CCDC85C: variants seen among roughly 807,000 people sequenced by gnomAD.
CCDC85C encodes the protein coiled-coil domain-containing protein 85C.
Under a neutral mutation model 38.3 loss-of-function variants are expected in CCDC85C, and 18 were observed. That is an observed-to-expected ratio of 0.47 (90% CI 0.33 to 0.70). The LOEUF (loss-of-function observed/expected upper bound fraction) is 0.70. CCDC85C is among the 30% of genes least tolerant of loss of function. The probability of loss-of-function intolerance (pLI) is 0.03; values close to 1 mark genes in which losing one functional copy is unlikely to be tolerated. For missense variants in CCDC85C, 566 were observed against 621.2 expected, an observed-to-expected ratio of 0.91 and a Z score of 0.94; for synonymous variants, 264 against 293.8, an observed-to-expected ratio of 0.90 and a Z score of 1.04.
intron 1 of CCDC85C, among the ~76,000 whole-genome samples, chr14:99,556,217 G>T (rs925068301): frequency 6.6e-5 from 10 of 152,238 alleles, no homozygotes; most frequent in Admixed American, 2.6e-4. Flanking sequence ...AGGAGTTCAA[G>T]ACCAGTCTGG....
At chr14:99,600,866 A>G (rs1469131247) in intron 1 of CCDC85C, among the ~76,000 whole-genome samples, 1 of 152,178 alleles carries the variant, frequency 6.6e-6, no homozygotes, top group Non-Finnish European at 1.5e-5. Flanking sequence ...CCAGAATAGA[A>G]AAGCCCAGTT....
At chr14:99,518,452 T>C (rs557494831) in intron 3 of CCDC85C, among the ~76,000 whole-genome samples, 2 of 152,072 alleles carry the variant, frequency 1.3e-5, no homozygotes, top group Non-Finnish European at 1.5e-5. Flanking sequence ...GTCTGGACAA[T>C]AGAAAGGGTC....
rs79410788 is a variant in CCDC85C at position 99,502,636 on chromosome 14, G to C, written c.*12610C>G. The C allele has an allele frequency of 1.5e-3, 2,020 of 1,342,610 alleles. 20 individuals are homozygous for C. In the Admixed American group the frequency reaches 0.021, roughly 14 times the overall value. The allele number at this position is 1,342,610 out of a possible 1,614,324, so 83.2% of individuals were successfully genotyped here. A position where few individuals can be genotyped will look rare whatever the true frequency, so the allele number is the denominator to read the frequency against. On this transcript the variant is annotated 3_prime_UTR_variant, in exon 6 of 6. Transcript: ENST00000380243. ...GATTCATGCTTAGGTCCTCGTAGGG[G>C]TATCATAACTGATTCTTTATCCAGG...
intron 1 of CCDC85C, among the ~76,000 whole-genome samples, chr14:99,601,519 G>C (rs2055198174): frequency 6.6e-6 from 1 of 152,174 alleles, no homozygotes; most frequent in African/African-American, 2.4e-5. Flanking sequence ...TGTCATTGAT[G>C]ACGCAGCTGA....
At chr14:99,560,483 C>T (rs1898096368) in intron 1 of CCDC85C, among the ~76,000 whole-genome samples, 1 of 152,240 alleles carries the variant, frequency 6.6e-6, no homozygotes, top group African/African-American at 2.4e-5. Flanking sequence ...CACACAGAGA[C>T]TCCAGGGCAC....
chr14:99,576,812 C>G lies in CCDC85C; in HGVS notation c.793+26355G>C, dbSNP rs1262019542. On this transcript the variant is annotated intron_variant, in intron 1 of 5. Coordinates refer to ENST00000380243, the MANE Select transcript of CCDC85C (RefSeq NM_001144995.2). This position sits in a 1 kb window ranked among gnomAD's most constrained non-coding sequence, Gnocchi z 4.8. ...GTGGAACGGACTATCAGTCACTCTA[C>G]AGGAAAGCAGAGGCTCAGAGAGGGT... Among the ~76,000 whole-genome samples, 2 of 152,192 alleles carry G rather than the reference C, an allele frequency of 1.3e-5. No homozygotes were observed. Among genetic ancestry groups the G allele is most frequent in the Non-Finnish European group, 2.9e-5 (2 of 68,028 alleles).
intron 1 of CCDC85C, among the ~76,000 whole-genome samples, chr14:99,540,597 T>C (rs1897693429): frequency 6.6e-6 from 1 of 152,068 alleles, no homozygotes; most frequent in African/African-American, 2.4e-5. Flanking sequence ...GAGGGCAAAA[T>C]GAGGGAGGTG....
At chr14:99,560,569 C>T (rs542892892) in intron 1 of CCDC85C, among the ~76,000 whole-genome samples, 11 of 152,336 alleles carry the variant, frequency 7.2e-5, no homozygotes, top group Admixed American at 2.0e-4. Flanking sequence ...GCCAGCATCA[C>T]GCCCGCCTCA....
At chr14:99,551,765 C>T (rs946605058) in intron 1 of CCDC85C, among the ~76,000 whole-genome samples, 2 of 151,974 alleles carry the variant, frequency 1.3e-5, no homozygotes, top group Non-Finnish European at 2.9e-5. Flanking sequence ...AAGCATGCAG[C>T]AGGCAGGTGA....
Position 99,508,514 on chromosome 14 carries a change from G to C in CCDC85C, c.*6732C>G, listed in dbSNP as rs1897032320. 6.6e-6 allele frequency: 1 copy of C among 152,614 alleles called. No individual in the cohort carries two copies. Among genetic ancestry groups the C allele is most frequent in the African/African-American group, 2.4e-5 (1 of 41,470 alleles). The allele number at this position is 152,614 out of a possible 1,614,324, so 9.5% of individuals were successfully genotyped here. A position where few individuals can be genotyped will look rare whatever the true frequency, so the allele number is the denominator to read the frequency against. On this transcript the variant is annotated 3_prime_UTR_variant, in exon 6 of 6. Coordinates refer to ENST00000380243, the MANE Select transcript of CCDC85C (RefSeq NM_001144995.2). ...CTGGGTGCCAGATACACTGCCAGGA[G>C]GCCATGGCTGAAGAGAGCAGGGCCT...
intron 1 of CCDC85C, among the ~76,000 whole-genome samples, chr14:99,564,187 T>A (rs1898171476): frequency 6.6e-6 from 1 of 152,252 alleles, no homozygotes. Context: ...CTTGTTTTGT[T>A]GTTTGTTCTG....
intron 1 of CCDC85C, among the ~76,000 whole-genome samples, chr14:99,591,769 C>G (rs1409036324): frequency 6.1e-5 from 9 of 146,588 alleles, no homozygotes; most frequent in Admixed American, 2.1e-4. Context: ...GAGTCTCACT[C>G]TGTCACCCAG....
At position 99,500,946 on chromosome 14, in the gene CCDC85C, G is replaced by T; in HGVS notation, c.*14300C>A. 2.1e-6 allele frequency: 2 copies of T among 934,774 alleles called. No individual in the cohort carries two copies. The highest frequency in any genetic ancestry group is 3.3e-6 in the Non-Finnish European group (2 of 607,534). 57.9% of individuals were successfully genotyped at this position (934,774 alleles called of 1,614,324 possible). ...TATAATTTGATGACACTCAAATTACGCTTCTCAAAAGCGGAAAACAAAGTT... is the reference window on the plus strand; with the variant it reads ...TATAATTTGATGACACTCAAATTACTCTTCTCAAAAGCGGAAAACAAAGTT... On this transcript the variant is annotated 3_prime_UTR_variant, in exon 6 of 6. Transcript: ENST00000380243.
In CCDC85C at chr14:99,545,780, T is replaced by C. The variant is rs1897794055; in HGVS notation, c.794-9692A>G. On this transcript the variant is annotated intron_variant, in intron 1 of 5. Transcript: ENST00000380243. This position sits in a 1 kb window ranked among gnomAD's most constrained non-coding sequence, Gnocchi z 4.7. ...TGAAAGGTACGCCCTCCTGGCTCCT[T>C]GGAGAGCTTTTAAAATCTGATCTCT... 6.6e-6 allele frequency among the ~76,000 whole-genome samples: 1 copy of C among 152,070 alleles called. No homozygotes were observed. Among genetic ancestry groups the C allele is most frequent in the Admixed American group, 6.5e-5 (1 of 15,278 alleles).
chr14:99,603,668 C>G lies in CCDC85C; in HGVS notation c.292G>C (p.Gly98Arg). Residue 98 changes from glycine to arginine, a missense_variant, in exon 1 of 6, where the codon GGG becomes CGG. Gly to Arg is a moderately radical substitution (Grantham distance 125, BLOSUM62 -2). This residue lies in a region of CCDC85C where 269 missense variants were observed against 308.2 expected (regional missense o/e 0.87). Transcript: ENST00000380243. The surrounding 1 kb of genome is among the most constrained non-coding windows in gnomAD (Gnocchi z 7.5). ...CCFLDDDRQK[G>R]RKLAREWQRF... ...TGCCACTCGCGCGCCAGCTTGCGCC[C>G]CTTCTGCCGGTCGTCGTCGAGGAAG... The G allele has an allele frequency of 1.3e-6, 2 of 1,492,888 alleles. No individual in the cohort carries two copies. Among genetic ancestry groups the G allele is most frequent in the Non-Finnish European group, 1.8e-6 (2 of 1,123,294 alleles). 92.5% of individuals were successfully genotyped at this position (1,492,888 alleles called of 1,614,324 possible).
At chr14:99,547,641 G>A (rs1161327844) in intron 1 of CCDC85C, among the ~76,000 whole-genome samples, 1 of 152,042 alleles carries the variant, frequency 6.6e-6, no homozygotes, top group Admixed American at 6.5e-5. Flanking sequence ...GGGTATGGTG[G>A]CGGGCACCTG....
chr14:99,500,717 G>T lies in CCDC85C; in HGVS notation c.*14529C>A. On this transcript the variant is annotated 3_prime_UTR_variant, in exon 6 of 6. Coordinates refer to ENST00000380243, the MANE Select transcript of CCDC85C (RefSeq NM_001144995.2). ...AAAGCTCACTTTTGTAATGCTGCTT[G>T]AGACCTGCAATTGTAATTACTGTCC... The T allele has an allele frequency of 5.0e-6, 6 of 1,190,496 alleles. No individual in the cohort carries two copies. Among genetic ancestry groups the T allele is most frequent in the Non-Finnish European group, 7.3e-6 (6 of 817,334 alleles). 73.7% of individuals were successfully genotyped at this position (1,190,496 alleles called of 1,614,324 possible). A position where few individuals can be genotyped will look rare whatever the true frequency, so the allele number is the denominator to read the frequency against.
At chr14:99,582,458 A>G (rs544250357) in intron 1 of CCDC85C, among the ~76,000 whole-genome samples, 6 of 152,178 alleles carry the variant, frequency 3.9e-5, no homozygotes, top group Non-Finnish European at 7.3e-5. Context: ...TGGTCATACC[A>G]CCGTGAACGC....
chr14:99,517,758 GTCA>G (rs1897249527), intron 3 of CCDC85C, among the ~76,000 whole-genome samples: 1 of 152,316 alleles, frequency 6.6e-6, no homozygotes, highest in East Asian at 1.9e-4. Flanking sequence ...CCCAGCCTCT[GTCA>G]GAAGCTGCGT....
Sources: gnomAD v4.1 joint callset for allele counts (sites outside exome capture counted in the v4.1 genomes callset) on GRCh38, gnomAD v4.1.1 for gene constraint, gnomAD v4.1.1 regional missense constraint, Gnocchi (gnomAD v3.1) non-coding constraint, MANE v1.5 for transcripts, NCBI Gene and HGNC (gene_info 2026-07-23, HGNC 2026-07-21) for gene names.